GAPVD1: variants seen among roughly 807,000 people sequenced by gnomAD.
GAPVD1 encodes GTPase-activating protein and VPS9 domain-containing protein 1.
Under a neutral mutation model 155.5 loss-of-function variants are expected in GAPVD1, and 35 were observed. The observed-to-expected ratio is 0.23, with a 90% CI of 0.17 to 0.30. The LOEUF is 0.30. Ranked by LOEUF, GAPVD1 falls within the 10% of genes least tolerant of loss-of-function variation. The pLI, the probability that GAPVD1 is intolerant of heterozygous loss-of-function variation, is 1.00. For synonymous variants in GAPVD1, 636 were observed against 619.7 expected, an observed-to-expected ratio of 1.03 and a Z score of -0.39; for missense variants, 1,429 against 1,775.7, an observed-to-expected ratio of 0.80 and a Z score of 3.51.
intron 5 of GAPVD1, among the ~76,000 whole-genome samples, chr9:125,303,271 G>C (rs527477594): frequency 6.6e-6 from 1 of 151,620 alleles, no homozygotes; most frequent in Admixed American, 6.6e-5. Flanking sequence ...CGCCCACCTC[G>C]GCTTCCCAAA....
chr9:125,352,787 G>A (rs1244831109), intron 23 of GAPVD1, among the ~76,000 whole-genome samples: 9 of 152,184 alleles, frequency 5.9e-5, no homozygotes, highest in Admixed American at 5.9e-4. Context: ...CAAAGTTTCT[G>A]AACGTTTATG....
Position 125,312,461 on chromosome 9 carries a change from G to T in GAPVD1, c.1451G>T (p.Ser484Ile). Reference protein sequence around the residue: ...KKNRLPIATRSRSRTNMLMDL... With the variant: ...KKNRLPIATRIRSRTNMLMDL... ...TGAAATTTTTTATTAGCAACTCGGAGCAGAAGCCGCACCAATATGCTAATG... is the reference window on the plus strand; with the variant it reads ...TGAAATTTTTTATTAGCAACTCGGATCAGAAGCCGCACCAATATGCTAATG... Residue 484 changes from serine to isoleucine, a missense_variant, in exon 9 of 28, where the codon AGC becomes ATC. This residue lies in a region of GAPVD1 where 628 missense variants were observed against 733.4 expected (regional missense o/e 0.86). Coordinates refer to ENST00000297933, the MANE Select transcript of GAPVD1 (RefSeq NM_001282680.3). 6.3e-7 allele frequency: 1 copy of T among 1,582,680 alleles called. No individual in the cohort carries two copies. The highest frequency in any genetic ancestry group is 1.4e-5 in the African/African-American group (1 of 73,298).
chr9:125,269,816 C>T (rs963992946), intron 2 of GAPVD1, among the ~76,000 whole-genome samples: 1 of 143,416 alleles, frequency 7.0e-6, no homozygotes, highest in African/African-American at 2.6e-5. Context: ...CTTCCAGGTT[C>T]AAGTGATTCT....
At chr9:125,336,855 G>A in intron 15 of GAPVD1, 163 bp from the exon 16 acceptor site, 2 of 588,224 alleles carry the variant, frequency 3.4e-6, no homozygotes, top group Non-Finnish European at 6.0e-6. Context: ...AACAGAAAAT[G>A]AATTGGAAGT....
intron 2 of GAPVD1, among the ~76,000 whole-genome samples, chr9:125,272,311 C>T (rs149839291): frequency 8.3e-4 from 126 of 152,242 alleles, no homozygotes; most frequent in African/African-American, 2.8e-3. Flanking sequence ...CGTGAACCTC[C>T]GCGCCCAGCC....
chr9:125,324,449 G>A (rs1371699449), intron 11 of GAPVD1, among the ~76,000 whole-genome samples: 1 of 152,014 alleles, frequency 6.6e-6, no homozygotes, highest in Non-Finnish European at 1.5e-5. Context: ...AATTAGCCAG[G>A]GTGGTGGCAC....
At chr9:125,285,453 G>GTTTTTTT (rs10659223) in intron 2 of GAPVD1, among the ~76,000 whole-genome samples, 26 of 94,684 alleles carry the variant, frequency 2.7e-4, no homozygotes, top group Non-Finnish European at 3.6e-4. Context: ...TTTTTTCTTT[G>GTTTTTTT]TTTTTTTTTT....
At chr9:125,342,507 T>A (rs1427315958) in intron 19 of GAPVD1, among the ~76,000 whole-genome samples, 1 of 152,232 alleles carries the variant, frequency 6.6e-6, no homozygotes, top group Non-Finnish European at 1.5e-5. Context: ...ACCATCATCA[T>A]CCTCATTATC....
Position 125,265,255 on chromosome 9 carries a change from TCTTC to T in GAPVD1, c.-199+3301_-199+3304del, listed in dbSNP as rs150736963. 2.3e-4 allele frequency among the ~76,000 whole-genome samples: 35 copies of T among 152,228 alleles called. 1 individual carries two copies. In the East Asian group the frequency reaches 3.3e-3, roughly 14 times the overall value. On this transcript the variant is annotated intron_variant, in intron 1 of 27. Transcript: ENST00000297933. Reference sequence around the variant, plus strand: ...AGGTTGTTTTATTTCTCTTCATTCTTCTTCCTTCTTTCTTCTTCCTTCTTTTTTT... The same window carrying T: ...AGGTTGTTTTATTTCTCTTCATTCTTCTTCTTTCTTCTTCCTTCTTTTTTT...
chr9:125,265,472 G>A (rs1461393701), intron 1 of GAPVD1, among the ~76,000 whole-genome samples: 1 of 151,528 alleles, frequency 6.6e-6, no homozygotes, highest in Non-Finnish European at 1.5e-5. Flanking sequence ...GTGCAGTGGT[G>A]TAATCTTGGC....
intron 10 of GAPVD1, among the ~76,000 whole-genome samples, chr9:125,322,548 C>T (rs1844491059): frequency 6.6e-6 from 1 of 152,044 alleles, no homozygotes; most frequent in Admixed American, 6.6e-5. Flanking sequence ...TAGCAGTTGA[C>T]GTTTTAGATT....
intron 1 of GAPVD1, among the ~76,000 whole-genome samples, chr9:125,266,389 C>T (rs1833975500): frequency 6.6e-6 from 1 of 151,918 alleles, no homozygotes; most frequent in Non-Finnish European, 1.5e-5. Context: ...TCTTGGCTCA[C>T]TGCAAGCTCT....
chr9:125,323,910 A>G lies in GAPVD1; in HGVS notation c.1845A>G (p.Leu615=). The change falls in exon 11 of 28, where the codon TTA becomes TTG. Residue 615 remains leucine (L), a synonymous_variant. Transcript: ENST00000297933. ...ATGGAGTTGAAGCTCTACAGCTGTT[A>G]GAACATGAGCAAGGTAAAGTGAAGT... ...GSNGVEALQL[L]EHEQATTQDN... is the part of the protein sequence containing the mutation. 1 of 1,613,490 alleles carries G rather than the reference A, an allele frequency of 6.2e-7. No individual in the cohort carries two copies. Among genetic ancestry groups the G allele is most frequent in the Non-Finnish European group, 8.5e-7 (1 of 1,179,714 alleles).
intron 9 of GAPVD1, among the ~76,000 whole-genome samples, chr9:125,314,609 G>A (rs1221651016): frequency 1.3e-5 from 2 of 151,698 alleles, no homozygotes; most frequent in African/African-American, 4.8e-5. Context: ...AGCTGAGATC[G>A]CCCCATTGCA....
rs545965058 is a variant in GAPVD1 at position 125,271,759 on chromosome 9, C to T, written c.-150+2775C>T. Among the ~76,000 whole-genome samples, 345 of 152,154 alleles carry T rather than the reference C, an allele frequency of 2.3e-3. 2 individuals carry two copies. The highest frequency in any genetic ancestry group is 2.3e-3 in the Non-Finnish European group (155 of 68,004). On this transcript the variant is annotated intron_variant, in intron 2 of 27. Coordinates refer to ENST00000297933, the MANE Select transcript of GAPVD1 (RefSeq NM_001282680.3). The stretch of plus-strand genomic sequence containing the variant: ...AGAGACGTTGTTTCACCGTGTTAGC[C>T]GTGCTAGTCTTGAACTCCTGACCTC...
In GAPVD1 at chr9:125,337,480, A is replaced by G. The variant is rs768732845; in HGVS notation, c.2766A>G (p.Pro922=). ...GTGACCCCAGCTGGAACCGGCGTCC[A>G]GGAAATGAAGAGCGAGAACTCCCTC... ...PMSDPSWNRR[P]GNEERELPPA... The change falls in exon 17 of 28, where the codon CCA becomes CCG. Residue 922 remains proline, a synonymous_variant. Coordinates refer to ENST00000297933, the MANE Select transcript of GAPVD1 (RefSeq NM_001282680.3). The G allele has an allele frequency of 6.2e-7, 1 of 1,614,230 alleles. No homozygotes were observed. Among genetic ancestry groups the G allele is most frequent in the Non-Finnish European group, 8.5e-7 (1 of 1,180,032 alleles).
At chr9:125,355,041 T>C (rs1849859215) in intron 24 of GAPVD1, among the ~76,000 whole-genome samples, 200 bp downstream of exon 24, 1 of 152,258 alleles carries the variant, frequency 6.6e-6, no homozygotes, top group African/African-American at 2.4e-5. Context: ...ATCTGTAGCT[T>C]ACTTTTTAAA....
intron 20 of GAPVD1, among the ~76,000 whole-genome samples, chr9:125,347,734 C>A (rs900271049): frequency 2.1e-5 from 3 of 145,470 alleles, no homozygotes; most frequent in Admixed American, 2.1e-4. Context: ...AAAAAAAAAA[C>A]AAACATAAAT....
At chr9:125,329,990 T>C in intron 12 of GAPVD1, 88 bp from the exon 13 acceptor site, 4 of 1,089,524 alleles carry the variant, frequency 3.7e-6, no homozygotes, top group Non-Finnish European at 5.3e-6. Flanking sequence ...CCAGGAGATT[T>C]TGTTAGCTAG....
Sources: allele counts gnomAD v4.1 joint callset (sites outside exome capture counted in the v4.1 genomes callset), GRCh38; gene constraint gnomAD v4.1.1; regional missense constraint gnomAD v4.1.1; transcripts MANE v1.5; gene names NCBI Gene and HGNC (gene_info 2026-07-23, HGNC 2026-07-21).